Variants in FHIT observed in about 807,000 individuals in gnomAD.
FHIT encodes fragile histidine triad diadenosine triphosphatase.
In FHIT, 19 loss-of-function variants were observed where a neutral mutation model predicts 17.9. That is an observed-to-expected ratio of 1.06 (90% CI 0.74 to 1.56). FHIT has a LOEUF of 1.56. Among genes scored for constraint, FHIT ranks in the 40% most tolerant of loss-of-function variants. FHIT has a pLI of 0.00. For missense variants in FHIT, 248 were observed against 189.2 expected, an observed-to-expected ratio of 1.31 and a Z score of -1.82; for synonymous variants, 81 against 69.7, an observed-to-expected ratio of 1.16 and a Z score of -0.81.
Position 60,961,003 on chromosome 3 carries a change from G to A in FHIT, c.-111+81044C>T, listed in dbSNP as rs550852891. Among the ~76,000 whole-genome samples the A allele has an allele frequency of 6.6e-5, 10 of 152,260 alleles. No homozygotes were observed. The East Asian group carries it at 7.7e-4, about 12-fold the overall frequency. ...TCTAGTTCTAGATCCTTGAAGAATC[G>A]CCACACTGTCTTCCACAATGGTTGA... On this transcript the variant is annotated intron_variant, in intron 3 of 9. Transcript: ENST00000492590.
chr3:60,226,088 T>C (rs1289366292), intron 5 of FHIT, among the ~76,000 whole-genome samples: 4 of 152,088 alleles, frequency 2.6e-5, no homozygotes, highest in Admixed American at 2.0e-4. Flanking sequence ...TGTTAACAAA[T>C]GGTCTCAGGG....
In FHIT at chr3:61,090,689, AATAG is replaced by A. The variant is rs141942091; in HGVS notation, c.-163-48594_-163-48591del. ...AGATAAAGAGAGAAGGATATGAACA[AATAG>A]ATAGAGGCATCAACAATCACAAGAG... On this transcript the variant is annotated intron_variant, in intron 2 of 9. Coordinates refer to ENST00000492590, the MANE Select transcript of FHIT (RefSeq NM_002012.4). 6.3e-3 allele frequency among the ~76,000 whole-genome samples: 956 copies of A among 152,322 alleles called. 10 individuals carry two copies. The highest frequency in any genetic ancestry group is 0.022 in the African/African-American group (914 of 41,570).
intron 5 of FHIT, among the ~76,000 whole-genome samples, chr3:60,146,712 G>C (rs2107317335): frequency 6.6e-6 from 1 of 152,222 alleles, no homozygotes; most frequent in Non-Finnish European, 1.5e-5. Context: ...CTGTGCGGAT[G>C]AACATCATGA....
Position 60,390,129 on chromosome 3 carries a change from C to T in FHIT, c.103+146731G>A, listed in dbSNP as rs868549172. ...AAGAAAATGAAAATCAATGTAATTG[C>T]AAGCTATCAACCTCAAATTTTATTC... On this transcript the variant is annotated intron_variant, in intron 5 of 9. Coordinates refer to ENST00000492590, the MANE Select transcript of FHIT (RefSeq NM_002012.4). Among the ~76,000 whole-genome samples, 21 of 152,230 alleles carry T rather than the reference C, an allele frequency of 1.4e-4. 1 individual carries two copies. The Middle Eastern group carries it at 0.017, about 123-fold the overall frequency.
intron 5 of FHIT, among the ~76,000 whole-genome samples, chr3:60,464,558 T>G (rs1303681659): frequency 1.3e-5 from 2 of 152,072 alleles, no homozygotes; most frequent in African/African-American, 4.8e-5. Context: ...TCTCTTTCCG[T>G]GAGCTCAGTT....
At chr3:60,654,444 A>G (rs1278241619) in intron 4 of FHIT, among the ~76,000 whole-genome samples, 2 of 152,308 alleles carry the variant, frequency 1.3e-5, no homozygotes, top group East Asian at 3.9e-4. Context: ...AATGGGAGCA[A>G]AATGGAGGTC....
intron 7 of FHIT, among the ~76,000 whole-genome samples, chr3:59,948,394 A>G (rs6769666): frequency 0.029 from 4,430 of 151,028 alleles, 110 homozygotes; most frequent in Non-Finnish European, 0.044. Context: ...GCATGTGCCT[A>G]TAGTCCCAGC....
intron 4 of FHIT, among the ~76,000 whole-genome samples, chr3:60,710,927 T>C (rs1331828891): frequency 6.6e-6 from 1 of 152,200 alleles, no homozygotes; most frequent in Non-Finnish European, 1.5e-5. Context: ...GCAGTGGTTC[T>C]CCCAGCATGC....
chr3:60,467,320 A>AT (rs1157671459), intron 5 of FHIT, among the ~76,000 whole-genome samples: 3 of 150,528 alleles, frequency 2.0e-5, no homozygotes, highest in Non-Finnish European at 4.4e-5. Context: ...TACCTTTTGT[A>AT]TTTTTTCATT....
At chr3:60,060,888 C>T (rs1255962205) in intron 5 of FHIT, among the ~76,000 whole-genome samples, 3 of 152,096 alleles carry the variant, frequency 2.0e-5, no homozygotes, top group Non-Finnish European at 2.9e-5. Context: ...ATTTCAGGAA[C>T]AAAAACTTTT....
chr3:60,932,152 T>TA (rs1486377889), intron 3 of FHIT, among the ~76,000 whole-genome samples: 2 of 152,276 alleles, frequency 1.3e-5, no homozygotes, highest in East Asian at 3.9e-4. Context: ...AACAAGTAAA[T>TA]AAAAAACCAT....
chr3:59,903,277 G>A (rs946154507), intron 8 of FHIT, among the ~76,000 whole-genome samples: 6 of 152,188 alleles, frequency 3.9e-5, no homozygotes, highest in African/African-American at 1.4e-4. Context: ...CCAGGGTTAT[G>A]GAAGGGGAGG....
intron 2 of FHIT, among the ~76,000 whole-genome samples, chr3:61,047,789 T>C (rs868655978): frequency 3.3e-5 from 5 of 151,316 alleles, no homozygotes; most frequent in Admixed American, 6.6e-5. Flanking sequence ...TATAGACCAA[T>C]GGAACAGAAC....
intron 3 of FHIT, among the ~76,000 whole-genome samples, chr3:60,954,426 T>C (rs1709025186): frequency 6.6e-6 from 1 of 152,204 alleles, no homozygotes; most frequent in African/African-American, 2.4e-5. Context: ...TAATAGGCTC[T>C]GGAGAGTTTA....
intron 5 of FHIT, among the ~76,000 whole-genome samples, chr3:60,066,345 G>A (rs544323113): frequency 1.1e-4 from 17 of 152,290 alleles, no homozygotes; most frequent in African/African-American, 3.9e-4. Flanking sequence ...GGCTGGTCCA[G>A]TGATTTTTAG....
intron 1 of FHIT, among the ~76,000 whole-genome samples, chr3:61,213,455 A>T (rs917052345): frequency 6.6e-6 from 1 of 152,230 alleles, no homozygotes; most frequent in African/African-American, 2.4e-5. Context: ...AGTAGAGCTA[A>T]CTATCCTAAA....
intron 3 of FHIT, among the ~76,000 whole-genome samples, chr3:60,844,414 C>G (rs6775224): frequency 3.3e-5 from 5 of 152,060 alleles, no homozygotes; most frequent in African/African-American, 1.2e-4. Context: ...AAACCCACAG[C>G]ATTCTTTTTC....
At chr3:60,097,909 C>T (rs1462766960) in intron 5 of FHIT, among the ~76,000 whole-genome samples, 1 of 143,698 alleles carries the variant, frequency 7.0e-6, no homozygotes, top group East Asian at 2.1e-4. Flanking sequence ...GTTCCCCTTC[C>T]TGTGTCCATG....
intron 4 of FHIT, among the ~76,000 whole-genome samples, chr3:60,744,253 A>AAC (rs1559687974): frequency 2.3e-4 from 17 of 72,588 alleles, no homozygotes; most frequent in African/African-American, 3.1e-4. Context: ...ATGTAAAAAA[A>AAC]AAAACAAAAC....
Sources: allele counts gnomAD v4.1 joint callset (sites outside exome capture counted in the v4.1 genomes callset), GRCh38; gene constraint gnomAD v4.1.1; transcripts MANE v1.5; gene names NCBI Gene and HGNC (gene_info 2026-07-23, HGNC 2026-07-21).